Variants in ARPP21 observed in about 807,000 individuals in gnomAD.
ARPP21 encodes the protein cAMP regulated phosphoprotein 21, also known as cAMP-regulated phosphoprotein 21.
ARPP21 carries 69 observed loss-of-function variants against 113.2 expected under a neutral mutation model. The ratio of observed to expected loss-of-function variants is 0.61; its 90% CI spans 0.50 to 0.74. The LOEUF (loss-of-function observed/expected upper bound fraction) is 0.74, where lower values mean the gene tolerates loss of function less well. Among genes scored for constraint, ARPP21 ranks in the 30% least tolerant of loss-of-function variants. The pLI, the probability that ARPP21 is intolerant of heterozygous loss-of-function variation, is 0.00. For synonymous variants in ARPP21, 368 were observed against 375.5 expected (o/e 0.98, Z 0.23); for missense variants, 1,070 against 1,037.4 (o/e 1.03, Z -0.43).
chr3:35,756,323 A>G (rs1371577549), intron 19 of ARPP21, among the ~76,000 whole-genome samples: 2 of 152,128 alleles, frequency 1.3e-5, no homozygotes, highest in Non-Finnish European at 2.9e-5. Context: ...TATGCGAGTG[A>G]CAGTCTTATG....
In ARPP21 at chr3:35,679,901, T is replaced by A. The variant is rs966871553; in HGVS notation, c.-98T>A. The A allele has an allele frequency of 2.0e-5, 3 of 152,382 alleles. No individual in the cohort carries two copies. In the South Asian group the frequency reaches 6.2e-4, roughly 32 times the overall value. 9.4% of individuals were successfully genotyped at this position (152,382 alleles called of 1,614,324 possible). ...ATCACTTGTGTGGATTTTCCTGGCG[T>A]AGAACGACAGAAGCCGCTAGTAAGT... On this transcript the variant is annotated 5_prime_UTR_variant, in exon 2 of 21. Transcript: ENST00000684406.
intron 11 of ARPP21, among the ~76,000 whole-genome samples, chr3:35,710,878 C>A (rs546529730): frequency 6.6e-6 from 1 of 152,290 alleles, no homozygotes; most frequent in South Asian, 2.1e-4. Context: ...TCCTTACAAC[C>A]TTGTTAACGA....
intron 19 of ARPP21, among the ~76,000 whole-genome samples, chr3:35,773,353 A>C (rs1266296665): frequency 2.0e-5 from 3 of 152,142 alleles, no homozygotes; most frequent in Non-Finnish European, 4.4e-5. Flanking sequence ...AGATGATGGA[A>C]GTAGAAATTT....
chr3:35,704,492 T>C (rs914244024), intron 9 of ARPP21, among the ~76,000 whole-genome samples: 7 of 151,914 alleles, frequency 4.6e-5, no homozygotes, highest in African/African-American at 1.4e-4. Flanking sequence ...CACACTTCCA[T>C]GTCTTCCCAA....
chr3:35,685,552 T>C (rs2080308902), intron 5 of ARPP21: 1 of 984,820 alleles, frequency 1.0e-6, no homozygotes, highest in Non-Finnish European at 1.2e-6. Context: ...CACTGGCAGA[T>C]GTATACAGTA....
At chr3:35,728,581 A>G (rs1576365359) in intron 14 of ARPP21, among the ~76,000 whole-genome samples, 1 of 151,820 alleles carries the variant, frequency 6.6e-6, no homozygotes, top group African/African-American at 2.4e-5. Flanking sequence ...CACAAAAATA[A>G]TAACATTCAA....
chr3:35,732,391 T>C (rs1034301489), intron 15 of ARPP21, among the ~76,000 whole-genome samples: 12 of 152,214 alleles, frequency 7.9e-5, no homozygotes, highest in Non-Finnish European at 1.8e-4. Flanking sequence ...AACAGGTCCA[T>C]TTCTAACTTA....
intron 11 of ARPP21, among the ~76,000 whole-genome samples, chr3:35,714,584 G>A (rs2092057331): frequency 2.6e-5 from 4 of 152,064 alleles, no homozygotes; most frequent in African/African-American, 7.2e-5. Context: ...AAATGGTTTT[G>A]TGTTACTTTC....
At chr3:35,676,903 A>C (rs897140874) in intron 1 of ARPP21, among the ~76,000 whole-genome samples, 1 of 151,916 alleles carries the variant, frequency 6.6e-6, no homozygotes, top group Admixed American at 6.6e-5. Flanking sequence ...TGCAATATTT[A>C]TATATCTATG....
chr3:35,793,182 A>G lies in ARPP21; in HGVS notation c.2287-519A>G, dbSNP rs555871298. On this transcript the variant is annotated intron_variant, in intron 20 of 20. Coordinates refer to ENST00000684406, the MANE Select transcript of ARPP21 (RefSeq NM_001385562.1). ...ACCCTACTATTCTGATTCACATTGC[A>G]TCAACTTCTACCTCCACCTCCACAA... 4.6e-5 allele frequency among the ~76,000 whole-genome samples: 7 copies of G among 152,308 alleles called. No individual in the cohort carries two copies. In the South Asian group the frequency reaches 1.5e-3, roughly 32 times the overall value.
intron 19 of ARPP21, among the ~76,000 whole-genome samples, chr3:35,746,669 G>C (rs751163601): frequency 1.3e-5 from 2 of 152,196 alleles, no homozygotes; most frequent in Non-Finnish European, 2.9e-5. Flanking sequence ...CAGCTATCAC[G>C]TGGTTAAAAT....
chr3:35,748,103 A>AAAG (rs1559837747), intron 19 of ARPP21, among the ~76,000 whole-genome samples: 8 of 137,750 alleles, frequency 5.8e-5, no homozygotes, highest in African/African-American at 1.7e-4. Flanking sequence ...AGAAAGAAAG[A>AAAG]AAGAAAGAAG....
At chr3:35,689,499 G>C (rs1257555953) in intron 7 of ARPP21, 114 bp downstream of exon 7, 4 of 633,416 alleles carry the variant, frequency 6.3e-6, no homozygotes, top group Non-Finnish European at 8.5e-6. Context: ...TACCTTCCCT[G>C]ACGTCTTAAA....
At chr3:35,685,182 C>G in intron 5 of ARPP21, 1 of 985,300 alleles carries the variant, frequency 1.0e-6, no homozygotes, top group Non-Finnish European at 1.2e-6. Context: ...TGACAAGGTA[C>G]CAGGAGGAAA....
intron 1 of ARPP21, among the ~76,000 whole-genome samples, chr3:35,668,168 T>C (rs981662848): frequency 6.6e-6 from 1 of 152,286 alleles, no homozygotes; most frequent in South Asian, 2.1e-4. Flanking sequence ...TTTGTTCTTA[T>C]CCATTTTGGG....
At chr3:35,736,537 A>AG (rs1280221537) in intron 15 of ARPP21, among the ~76,000 whole-genome samples, 1 of 152,224 alleles carries the variant, frequency 6.6e-6, no homozygotes, top group African/African-American at 2.4e-5. Flanking sequence ...TTATTTCATA[A>AG]GGCAAAAGAA....
At chr3:35,661,984 G>C (rs1354292871) in intron 1 of ARPP21, among the ~76,000 whole-genome samples, 1 of 152,064 alleles carries the variant, frequency 6.6e-6, no homozygotes, top group East Asian at 1.9e-4. Context: ...TTAAAATTAA[G>C]TTTGAGGATA....
Position 35,733,264 on chromosome 3 carries a change from T to G in ARPP21, c.1459+3728T>G, listed in dbSNP as rs958205327. ...AGGCACTGTGCAGGTGCTCAATAAT[T>G]ACATTATTATTGAAATAATATCTAC... On this transcript the variant is annotated intron_variant, in intron 15 of 20. Transcript: ENST00000684406. Among the ~76,000 whole-genome samples, 8 of 152,158 alleles carry G rather than the reference T, an allele frequency of 5.3e-5. 1 individual carries two copies. Among genetic ancestry groups the G allele is most frequent in the Admixed American group, 5.2e-4 (8 of 15,270 alleles).
rs922560830 is a variant in ARPP21 at position 35,712,509 on chromosome 3, G to A, written c.898-2930G>A. 3.0e-4 allele frequency among the ~76,000 whole-genome samples: 33 copies of A among 108,576 alleles called. 1 individual carries two copies. Among genetic ancestry groups the A allele is most frequent in the Admixed American group, 3.0e-3 (33 of 11,054 alleles). The allele number at this position is 108,576 out of a possible 152,430, so 71.2% of individuals were successfully genotyped here. On this transcript the variant is annotated intron_variant, in intron 11 of 20. Transcript: ENST00000684406. ...TTTCCAAATATATCTTGGTGTCTAA[G>A]GTGTCTGTGTGTGTGTGTGTGTGTG...
Sources: allele counts gnomAD v4.1 joint callset (sites outside exome capture counted in the v4.1 genomes callset), GRCh38; gene constraint gnomAD v4.1.1; transcripts MANE v1.5; gene names NCBI Gene and HGNC (gene_info 2026-07-23, HGNC 2026-07-21).